SAMD3: variants seen among roughly 807,000 people sequenced by gnomAD.
SAMD3 encodes the protein sterile alpha motif domain-containing protein 3.
A neutral mutation model predicts 58.5 loss-of-function variants in SAMD3; 63 were observed. The ratio of observed to expected loss-of-function variants is 1.08; its 90% confidence interval spans 0.88 to 1.33. The LOEUF (loss-of-function observed/expected upper bound fraction) is 1.33, where lower values mean the gene tolerates loss of function less well. SAMD3 is among the 40% of genes most tolerant of loss of function. SAMD3 has a pLI of 0.00. For synonymous variants in SAMD3, 220 were observed against 210.3 expected, an observed-to-expected ratio of 1.05 and a Z score of -0.40; for missense variants, 604 against 608.4, an observed-to-expected ratio of 0.99 and a Z score of 0.08.
intron 1 of SAMD3, among the ~76,000 whole-genome samples, chr6:130,324,366 T>C (rs929632409): frequency 6.6e-6 from 1 of 152,246 alleles, no homozygotes; most frequent in Non-Finnish European, 1.5e-5. Flanking sequence ...ATGATGAGTA[T>C]GTTAACTGTG....
chr6:130,278,247 G>A (rs949022762), intron 2 of SAMD3, among the ~76,000 whole-genome samples: 1 of 152,034 alleles, frequency 6.6e-6, no homozygotes, highest in Non-Finnish European at 1.5e-5. Context: ...TCTCTGACCT[G>A]ACCAATCAGC....
At chr6:130,286,267 G>A (rs1775149798) in intron 2 of SAMD3, 1 of 152,308 alleles carries the variant, frequency 6.6e-6, no homozygotes, top group Non-Finnish European at 1.5e-5. Flanking sequence ...TGGCCAGAAG[G>A]GAGGAAAAGT....
intron 8 of SAMD3, among the ~76,000 whole-genome samples, chr6:130,174,796 G>A (rs1791574585): frequency 6.6e-6 from 1 of 152,100 alleles, no homozygotes; most frequent in African/African-American, 2.4e-5. Context: ...ATGTTATCTT[G>A]ACTGACCTAT....
intron 2 of SAMD3, among the ~76,000 whole-genome samples, chr6:130,253,194 CAA>C (rs1225506304): frequency 6.6e-6 from 1 of 152,144 alleles, no homozygotes; most frequent in Non-Finnish European, 1.5e-5. Context: ...TTATTAGTGA[CAA>C]GTTTCCTGTG....
chr6:130,257,155 G>GTC lies in SAMD3; in HGVS notation c.-187-34344_-187-34343dup, dbSNP rs148601929. On this transcript the variant is annotated intron_variant, in intron 2 of 13. Coordinates refer to the SAMD3 transcript ENST00000368134. ...TATAATAAGGGAAAGATCTCTCTCTGTCTCTCTCTCTCTCTCTCCTTATAA... is the reference window on the plus strand; with the variant it reads ...TATAATAAGGGAAAGATCTCTCTCTGTCTCTCTCTCTCTCTCTCTCCTTATAA... Among the ~76,000 whole-genome samples, 101 of 150,334 alleles carry GTC rather than the reference G, an allele frequency of 6.7e-4. 1 individual carries two copies. In the East Asian group the frequency reaches 0.011, roughly 17 times the overall value.
At chr6:130,244,077 CTGTG>C (rs1312797393) in intron 2 of SAMD3, among the ~76,000 whole-genome samples, 12 of 152,174 alleles carry the variant, frequency 7.9e-5, no homozygotes, top group African/African-American at 2.9e-4. Context: ...GGCTCTTTTT[CTGTG>C]TAAGTAAGAC....
intron 2 of SAMD3, among the ~76,000 whole-genome samples, chr6:130,289,364 T>C (rs1775283586): frequency 6.6e-6 from 1 of 152,234 alleles, no homozygotes; most frequent in Non-Finnish European, 1.5e-5. Flanking sequence ...CATATTATGT[T>C]AGCTCTAGAA....
chr6:130,180,928 T>G (rs1474145139), intron 7 of SAMD3, among the ~76,000 whole-genome samples: 1 of 118,488 alleles, frequency 8.4e-6, no homozygotes, highest in African/African-American at 3.1e-5. Context: ...GAAACTTTTC[T>G]TTTCTTTTTT....
intron 2 of SAMD3, among the ~76,000 whole-genome samples, chr6:130,309,040 G>A (rs1776045765): frequency 1.3e-5 from 2 of 152,098 alleles, no homozygotes; most frequent in African/African-American, 4.8e-5. Context: ...TGATAATAAG[G>A]TTTGGCTACA....
chr6:130,225,039 A>C (rs1393272922), upstream of SAMD3, among the ~76,000 whole-genome samples: 1 of 152,112 alleles, frequency 6.6e-6, no homozygotes, highest in Non-Finnish European at 1.5e-5. Flanking sequence ...TGTTAGAGAG[A>C]GATAAAGAGA....
At chr6:130,231,825 A>G (rs1190847473) in intron 2 of SAMD3, among the ~76,000 whole-genome samples, 1 of 151,774 alleles carries the variant, frequency 6.6e-6, no homozygotes, top group Non-Finnish European at 1.5e-5. Flanking sequence ...TTTTTTTCCC[A>G]CACTGTTTTC....
chr6:130,296,854 A>G (rs1168376471), intron 2 of SAMD3, among the ~76,000 whole-genome samples: 7 of 152,142 alleles, frequency 4.6e-5, no homozygotes, highest in Non-Finnish European at 1.0e-4. Context: ...AATAAGGGTC[A>G]TGAGCCCTAT....
intron 2 of SAMD3, among the ~76,000 whole-genome samples, chr6:130,306,004 C>T (rs910685378): frequency 1.3e-5 from 2 of 152,178 alleles, no homozygotes; most frequent in Admixed American, 6.5e-5. Context: ...ACAATGTGTC[C>T]TCACATGGTG....
At chr6:130,264,481 A>G (rs986554149) in intron 2 of SAMD3, among the ~76,000 whole-genome samples, 1 of 152,224 alleles carries the variant, frequency 6.6e-6, no homozygotes, top group African/African-American at 2.4e-5. Context: ...ACTCTGCCAA[A>G]TAACTAGAGT....
chr6:130,322,529 C>T (rs1303035232), intron 1 of SAMD3, among the ~76,000 whole-genome samples: 1 of 152,092 alleles, frequency 6.6e-6, no homozygotes, highest in African/African-American at 2.4e-5. Context: ...TCCAGCTACT[C>T]GGAGGCTGAG....
chr6:130,251,226 C>T (rs1277982631), intron 2 of SAMD3, among the ~76,000 whole-genome samples: 2 of 152,090 alleles, frequency 1.3e-5, no homozygotes, highest in Non-Finnish European at 2.9e-5. Flanking sequence ...ATTTGCATAT[C>T]TTTGGAGAAA....
chr6:130,339,233 G>A (rs1218306606), intron 1 of SAMD3, among the ~76,000 whole-genome samples: 1 of 152,102 alleles, frequency 6.6e-6, no homozygotes, highest in Non-Finnish European at 1.5e-5. Context: ...ATTTTTAGTA[G>A]AGATGGAGTT....
intron 1 of SAMD3, among the ~76,000 whole-genome samples, chr6:130,351,834 C>G (rs1049127789): frequency 3.3e-5 from 5 of 152,014 alleles, no homozygotes; most frequent in Non-Finnish European, 5.9e-5. Context: ...CAATGATAGA[C>G]TGGATTAAGA....
At chr6:130,359,303 T>C (rs189951876) in intron 1 of SAMD3, among the ~76,000 whole-genome samples, 25 of 152,312 alleles carry the variant, frequency 1.6e-4, no homozygotes, top group Admixed American at 1.4e-3. Context: ...CAGAACAAAT[T>C]CTTAATCTGG....
Sources: gnomAD v4.1 joint callset for allele counts (sites outside exome capture counted in the v4.1 genomes callset) on GRCh38, gnomAD v4.1.1 for gene constraint, MANE v1.5 for transcripts, NCBI Gene and HGNC (gene_info 2026-07-23, HGNC 2026-07-21) for gene names.